MCTP1: variants seen among roughly 807,000 people sequenced by gnomAD.
MCTP1 encodes the protein multiple C2 and transmembrane domain-containing protein 1.
A neutral mutation model predicts 120.6 loss-of-function variants in MCTP1; 69 were observed. That is an observed-to-expected ratio of 0.57 (90% CI 0.47 to 0.70). The LOEUF is 0.70. Among genes scored for constraint, MCTP1 ranks in the 30% least tolerant of loss-of-function variants. The pLI, the probability that MCTP1 is intolerant of heterozygous loss-of-function variation, is 0.00. For synonymous variants in MCTP1, 529 were observed against 493.1 expected, an observed-to-expected ratio of 1.07 and a Z score of -0.96; for missense variants, 1,203 against 1,248.8, an observed-to-expected ratio of 0.96 and a Z score of 0.55.
intron 19 of MCTP1, among the ~76,000 whole-genome samples, chr5:94,777,140 A>G (rs1775543906): frequency 6.6e-6 from 1 of 152,190 alleles, no homozygotes; most frequent in African/African-American, 2.4e-5. Flanking sequence ...TGGAAAACAC[A>G]CTGCTTGTCG....
At chr5:95,156,517 A>AT (rs1245163522) in intron 1 of MCTP1, among the ~76,000 whole-genome samples, 1 of 152,218 alleles carries the variant, frequency 6.6e-6, no homozygotes, top group Non-Finnish European at 1.5e-5. Flanking sequence ...ACCTTAACTC[A>AT]TATCATTCTT....
At chr5:94,950,689 C>T (rs1046161271) in intron 3 of MCTP1, among the ~76,000 whole-genome samples, 2 of 151,988 alleles carry the variant, frequency 1.3e-5, no homozygotes, top group African/African-American at 2.4e-5. Flanking sequence ...CGCGGTGGCT[C>T]GTGCCTGTAA....
chr5:94,940,926 C>T lies in MCTP1; in HGVS notation c.1062-731G>A, dbSNP rs566911486. Among the ~76,000 whole-genome samples, 9 of 150,882 alleles carry T rather than the reference C, an allele frequency of 6.0e-5. No individual in the cohort carries two copies. The South Asian group carries it at 1.9e-3, about 31-fold the overall frequency. ...TTTATATTTAGAATAAAACAGCATA[C>T]ACAAATAGGTTATTTTAAAAAGTAG... On this transcript the variant is annotated intron_variant, in intron 4 of 22. Transcript: ENST00000515393.
intron 1 of MCTP1, among the ~76,000 whole-genome samples, chr5:95,140,693 TAAAAAAAAAAAAAAAAAAAAAAAAA>T (rs35248317): frequency 7.2e-5 from 2 of 27,596 alleles, no homozygotes; most frequent in African/African-American, 2.1e-4. Context: ...CTGTCCCTAC[TAAAAAAAAAAAAAAAAAAAAAAAAA>T]AAAAAAAAAA....
chr5:95,127,393 C>G (rs1353526560), intron 1 of MCTP1, among the ~76,000 whole-genome samples: 1 of 152,162 alleles, frequency 6.6e-6, no homozygotes, highest in South Asian at 2.1e-4. Flanking sequence ...ACAGGACAGA[C>G]CTGCAACAGT....
At chr5:94,772,877 G>T (rs1020188384) in intron 19 of MCTP1, among the ~76,000 whole-genome samples, 1 of 152,174 alleles carries the variant, frequency 6.6e-6, no homozygotes, top group Non-Finnish European at 1.5e-5. Context: ...AAGTTGAGTG[G>T]TAGGTCTGGC....
Position 94,953,203 on chromosome 5 carries a change from C to A in MCTP1, c.981+16G>T. 1.3e-6 allele frequency: 2 copies of A among 1,579,088 alleles called. No homozygotes were observed. Among genetic ancestry groups the A allele is most frequent in the Non-Finnish European group, 1.7e-6 (2 of 1,166,064 alleles). ...CACATCAGTTTCTATCAGGAAAAAACAAATAAATGGCTCACCTTTATATAC... is the reference window on the plus strand; with the variant it reads ...CACATCAGTTTCTATCAGGAAAAAAAAAATAAATGGCTCACCTTTATATAC... On this transcript the variant is annotated intron_variant, in intron 3 of 22. Transcript: ENST00000515393.
intron 19 of MCTP1, among the ~76,000 whole-genome samples, chr5:94,719,314 T>C (rs1031013361): frequency 3.2e-4 from 48 of 152,178 alleles, no homozygotes; most frequent in African/African-American, 1.1e-3. Flanking sequence ...ACTGGGTATA[T>C]ACCCAAAGGA....
intron 1 of MCTP1, among the ~76,000 whole-genome samples, chr5:95,256,032 G>C (rs114817029): frequency 7.2e-4 from 109 of 152,266 alleles, no homozygotes; most frequent in African/African-American, 2.6e-3. Flanking sequence ...TCATGAAACC[G>C]TTGGTAAAAA....
In MCTP1 at chr5:94,743,785, C is replaced by G. The variant is rs537687518; in HGVS notation, c.2611-28899G>C. On this transcript the variant is annotated intron_variant, in intron 19 of 22. Coordinates refer to ENST00000515393, the MANE Select transcript of MCTP1 (RefSeq NM_024717.7). Reference sequence around the variant, plus strand: ...CCCGAGTAGCTGGGACTACAGGCACCTGCCACCACACCCGGCTAATTTTTT... The same window carrying G: ...CCCGAGTAGCTGGGACTACAGGCACGTGCCACCACACCCGGCTAATTTTTT... 3.7e-4 allele frequency among the ~76,000 whole-genome samples: 56 copies of G among 151,866 alleles called. No homozygotes were observed. In the South Asian group the frequency reaches 3.8e-3, roughly 10 times the overall value.
At chr5:94,771,703 C>T (rs540005010) in intron 19 of MCTP1, among the ~76,000 whole-genome samples, 4 of 152,208 alleles carry the variant, frequency 2.6e-5, no homozygotes, top group Non-Finnish European at 4.4e-5. Flanking sequence ...ATGAGGAACT[C>T]AGATCTAGTG....
rs142990375 is a variant in MCTP1, at chr5:94,941,304, C to T, written c.1061+1044G>A. 1.8e-3 allele frequency among the ~76,000 whole-genome samples: 268 copies of T among 152,032 alleles called. 1 individual carries two copies. Among genetic ancestry groups the T allele is most frequent in the African/African-American group, 5.9e-3 (246 of 41,484 alleles). On this transcript the variant is annotated intron_variant, in intron 4 of 22. Coordinates refer to ENST00000515393, the MANE Select transcript of MCTP1 (RefSeq NM_024717.7). Reference sequence around the variant, plus strand: ...ACACCACTTAGGGCACTTCCTACAGCGGCAGGGAGGTGTGAGCCTGTGCTA... The same window carrying T: ...ACACCACTTAGGGCACTTCCTACAGTGGCAGGGAGGTGTGAGCCTGTGCTA...
chr5:95,097,604 T>C (rs1026393477), intron 1 of MCTP1, among the ~76,000 whole-genome samples: 20 of 152,226 alleles, frequency 1.3e-4, no homozygotes, highest in Non-Finnish European at 2.6e-4. Context: ...TTTGTTGGTT[T>C]CCATCATGGG....
chr5:95,035,159 T>C (rs11951881), intron 1 of MCTP1, among the ~76,000 whole-genome samples: 2,045 of 152,118 alleles, frequency 0.013, 44 homozygotes, highest in African/African-American at 0.048. Flanking sequence ...GAAAATAGCA[T>C]GGAAATTTCT....
chr5:95,159,925 T>C (rs938205468), intron 1 of MCTP1, among the ~76,000 whole-genome samples: 1 of 151,962 alleles, frequency 6.6e-6, no homozygotes, highest in Non-Finnish European at 1.5e-5. Context: ...GTAAACCATA[T>C]GCAAAAGAGT....
chr5:95,253,715 AAAAGACAAGATTATT>A (rs1293908045), intron 1 of MCTP1, among the ~76,000 whole-genome samples: 5 of 152,138 alleles, frequency 3.3e-5, no homozygotes, highest in African/African-American at 1.2e-4. Flanking sequence ...AACTAATATA[AAAAGACAAGATTATT>A]AAAGTTTCTG....
intron 2 of MCTP1, among the ~76,000 whole-genome samples, chr5:95,001,972 C>T (rs954662463): frequency 2.0e-5 from 3 of 152,186 alleles, no homozygotes; most frequent in African/African-American, 7.2e-5. Flanking sequence ...CCAGGGCTCC[C>T]CTGCTCTATG....
intron 1 of MCTP1, among the ~76,000 whole-genome samples, chr5:95,274,865 C>T (rs372630789): frequency 1.2e-4 from 18 of 152,144 alleles, no homozygotes; most frequent in African/African-American, 3.6e-4. Flanking sequence ...CCTCGTGATC[C>T]GCCCGCCTCG....
chr5:94,931,294 G>A (rs1367289190), intron 6 of MCTP1: 1 of 152,082 alleles, frequency 6.6e-6, no homozygotes, highest in Non-Finnish European at 1.5e-5. Flanking sequence ...AAGTAAAATC[G>A]TTTTGATTTA....
Sources: gnomAD v4.1 joint callset for allele counts (sites outside exome capture counted in the v4.1 genomes callset) on GRCh38, gnomAD v4.1.1 for gene constraint, MANE v1.5 for transcripts, NCBI Gene and HGNC (gene_info 2026-07-23, HGNC 2026-07-21) for gene names.